TNFRSF10D: variants seen among roughly 807,000 people sequenced by gnomAD.
The protein encoded by TNFRSF10D is TNF receptor superfamily member 10d.
Under a neutral mutation model 42.1 loss-of-function variants are expected in TNFRSF10D, and 28 were observed. That is an observed-to-expected ratio of 0.66 (90% CI 0.49 to 0.91). TNFRSF10D has a LOEUF of 0.91. Among genes scored for constraint, TNFRSF10D ranks in the 40% least tolerant of loss-of-function variants. The pLI, the probability that TNFRSF10D is intolerant of heterozygous loss-of-function variation, is 0.00. For missense variants in TNFRSF10D, 503 were observed against 486.1 expected (o/e 1.03, Z -0.33); for synonymous variants, 186 against 189.4 (o/e 0.98, Z 0.15).
chr8:23,160,075 G>A (rs1800343753), intron 1 of TNFRSF10D, among the ~76,000 whole-genome samples: 1 of 152,148 alleles, frequency 6.6e-6, no homozygotes, highest in South Asian at 2.1e-4. Flanking sequence ...GGAGGGGGAG[G>A]CAATGGTGGT....
rs1800066160 is a variant in TNFRSF10D, at chr8:23,143,707, G to T, written c.954+743C>A. Among the ~76,000 whole-genome samples, 3 of 152,144 alleles carry T rather than the reference G, an allele frequency of 2.0e-5. 1 individual carries two copies. In the South Asian group the frequency reaches 6.2e-4, roughly 32 times the overall value. On this transcript the variant is annotated intron_variant, in intron 7 of 8. Coordinates refer to ENST00000312584, the MANE Select transcript of TNFRSF10D (RefSeq NM_003840.5). ...TTCCTAAACAGGCGTGGAGGAAGGAGACAGTGACTCACAACAATTCAGGGA... is the reference window on the plus strand; with the variant it reads ...TTCCTAAACAGGCGTGGAGGAAGGATACAGTGACTCACAACAATTCAGGGA...
chr8:23,136,110 C>A lies in TNFRSF10D; in HGVS notation c.*1760G>T, dbSNP rs191756465. The A allele has an allele frequency of 2.3e-4, 77 of 331,058 alleles. No homozygotes were observed. In the East Asian group the frequency reaches 5.5e-3, roughly 24 times the overall value. The allele number at this position is 331,058 out of a possible 1,614,324, so 20.5% of individuals were successfully genotyped here. A position where few individuals can be genotyped will look rare whatever the true frequency, so the allele number is the denominator to read the frequency against. ...CAGTCCCGGAACAAAACACACAATGCCTTGAGATGGAAAAGACTGAAACCC... is the reference window on the plus strand; with the variant it reads ...CAGTCCCGGAACAAAACACACAATGACTTGAGATGGAAAAGACTGAAACCC... On this transcript the variant is annotated 3_prime_UTR_variant, in exon 9 of 9. Transcript: ENST00000312584.
At chr8:23,159,710 A>C (rs1392563177) in intron 1 of TNFRSF10D, among the ~76,000 whole-genome samples, 1 of 152,070 alleles carries the variant, frequency 6.6e-6, no homozygotes, top group African/African-American at 2.4e-5. Context: ...AAAAATACAA[A>C]AATTAGCCAG....
Position 23,163,880 on chromosome 8 carries a change from T to C in TNFRSF10D, c.56A>G (p.Tyr19Cys), listed in dbSNP as rs1194081667. 1.3e-6 allele frequency: 2 copies of C among 1,599,752 alleles called. No individual in the cohort carries two copies. Among genetic ancestry groups the C allele is most frequent in the South Asian group, 1.1e-5 (1 of 88,972 alleles). Residue 19 changes from tyrosine (Y) to cysteine (C), a missense_variant, in exon 1 of 9, where the codon TAT becomes TGT. Transcript: ENST00000312584. ...PTASSARAGR[Y>C]PGARTASGTR... ...TCCCGACGCTGTCCTGGCTCCTGGA[T>C]AGCGCCCTGCTCGAGCGCTCGAGGC...
rs141543758 is a variant in TNFRSF10D, at chr8:23,160,386, T to C, written c.150+3400A>G. ...CCCTGTGGACTCTGCTGAGGACCCA[T>C]AGGAGCTCCCAGAGGCCAAGTGCAG... On this transcript the variant is annotated intron_variant, in intron 1 of 8. Transcript: ENST00000312584. Among the ~76,000 whole-genome samples, 141 of 152,172 alleles carry C rather than the reference T, an allele frequency of 9.3e-4. 1 individual carries two copies. Among genetic ancestry groups the C allele is most frequent in the Middle Eastern group, 6.8e-3 (2 of 294 alleles).
At chr8:23,156,729 G>A (rs577370575) in intron 1 of TNFRSF10D, among the ~76,000 whole-genome samples, 5 of 151,384 alleles carry the variant, frequency 3.3e-5, no homozygotes, top group Middle Eastern at 3.4e-3. Context: ...CCCAATGCCT[G>A]GGCTAATATT....
At chr8:23,158,077 C>T (rs116709526) in intron 1 of TNFRSF10D, among the ~76,000 whole-genome samples, 2,291 of 152,326 alleles carry the variant, frequency 0.015, 64 homozygotes, top group African/African-American at 0.053. Context: ...TCCGGCTGTG[C>T]ACTGTTTCTC....
intron 1 of TNFRSF10D, among the ~76,000 whole-genome samples, chr8:23,162,088 AC>A (rs1223274660): frequency 6.6e-6 from 1 of 152,258 alleles, no homozygotes; most frequent in African/African-American, 2.4e-5. Flanking sequence ...AAAATACAAT[AC>A]CCTTGTTTAA....
chr8:23,151,730 A>G (rs1360447038), intron 2 of TNFRSF10D, among the ~76,000 whole-genome samples: 2 of 152,194 alleles, frequency 1.3e-5, no homozygotes, highest in African/African-American at 4.8e-5. Flanking sequence ...ATAAAGTTAG[A>G]CATGAACCTA....
intron 2 of TNFRSF10D, among the ~76,000 whole-genome samples, chr8:23,154,189 G>A (rs1233797875): frequency 6.6e-6 from 1 of 152,196 alleles, no homozygotes; most frequent in Non-Finnish European, 1.5e-5. Context: ...GTAGAGAGTA[G>A]AATGGTGATT....
Position 23,154,392 on chromosome 8 carries a change from A to G in TNFRSF10D, c.256+482T>C, listed in dbSNP as rs148518961. 2.3e-3 allele frequency among the ~76,000 whole-genome samples: 357 copies of G among 152,348 alleles called. 3 individuals are homozygous for G. Among genetic ancestry groups the G allele is most frequent in the African/African-American group, 8.1e-3 (338 of 41,576 alleles). ...TCCATGGAACAAACTCTGCACTTAC[A>G]CAAGTCCCTGATACAAATTGGGATA... On this transcript the variant is annotated intron_variant, in intron 2 of 8. Transcript: ENST00000312584.
Position 23,150,711 on chromosome 8 carries a change from A to G in TNFRSF10D, c.257-2160T>C, listed in dbSNP as rs139593254. On this transcript the variant is annotated intron_variant, in intron 2 of 8. Coordinates refer to ENST00000312584, the MANE Select transcript of TNFRSF10D (RefSeq NM_003840.5). ...TAGTTTAATATACACAGACAACATA[A>G]TAAAGAAGAAAGCAGAAATTCTAAA... Among the ~76,000 whole-genome samples, 36 of 152,352 alleles carry G rather than the reference A, an allele frequency of 2.4e-4. 1 individual carries two copies. The highest frequency in any genetic ancestry group is 1.7e-3 in the East Asian group (9 of 5,192).
chr8:23,144,777 TGCTGAGGTG>T lies in TNFRSF10D; in HGVS notation c.769-151_769-143del, dbSNP rs1309699612. On this transcript the variant is annotated intron_variant, in intron 6 of 8. Transcript: ENST00000312584. Reference sequence around the variant, plus strand: ...GAGGCTCAGCACATCCAGGACCCCATGCTGAGGTGGGTCAGGTGGTCACCCCATCCCCAT... The same window carrying T: ...GAGGCTCAGCACATCCAGGACCCCATGGTCAGGTGGTCACCCCATCCCCAT... The T allele has an allele frequency of 1.6e-5, 17 of 1,092,962 alleles. No individual in the cohort carries two copies. The African/African-American group carries it at 2.6e-4, about 17-fold the overall frequency. The allele number at this position is 1,092,962 out of a possible 1,614,324, so 67.7% of individuals were successfully genotyped here. A position where few individuals can be genotyped will look rare whatever the true frequency, so the allele number is the denominator to read the frequency against.
At chr8:23,163,544 C>A (rs1049775793) in intron 1 of TNFRSF10D, among the ~76,000 whole-genome samples, 6 of 152,228 alleles carry the variant, frequency 3.9e-5, no homozygotes, top group Non-Finnish European at 8.8e-5. Flanking sequence ...CAGCTCAGTG[C>A]GGTCCTCGCC....
intron 3 of TNFRSF10D, 58 bp from the exon 4 acceptor site, chr8:23,147,130 T>C: frequency 7.1e-7 from 1 of 1,417,152 alleles, no homozygotes; most frequent in Non-Finnish European, 1.0e-6. Flanking sequence ...TGTCCACCCT[T>C]CCTCACCACC....
At chr8:23,143,738 T>C (rs1800066478) in intron 7 of TNFRSF10D, among the ~76,000 whole-genome samples, 1 of 152,180 alleles carries the variant, frequency 6.6e-6, no homozygotes, top group Admixed American at 6.5e-5. Flanking sequence ...AGGGAATTCC[T>C]CACTTCACAC....
intron 1 of TNFRSF10D, among the ~76,000 whole-genome samples, chr8:23,160,233 G>A (rs767544537): frequency 1.3e-5 from 2 of 152,102 alleles, no homozygotes; most frequent in Admixed American, 6.5e-5. Context: ...AGACAATAAA[G>A]AGCTCATTGT....
At position 23,145,890 on chromosome 8, in the gene TNFRSF10D, A is replaced by G; in HGVS notation, c.514T>C (p.Cys172Arg). The G allele has an allele frequency of 6.2e-7, 1 of 1,614,166 alleles. No individual in the cohort carries two copies. Among genetic ancestry groups the G allele is most frequent in the Non-Finnish European group, 8.5e-7 (1 of 1,180,032 alleles). Residue 172 changes from cysteine (C) to arginine (R), a missense_variant, in exon 5 of 9, where the codon TGT becomes CGT. Physicochemically the swap from Cys to Arg is radical, Grantham distance 180. Coordinates refer to ENST00000312584, the MANE Select transcript of TNFRSF10D (RefSeq NM_003840.5). Reference protein sequence around the residue: ...CPRGMVKVSNCTPRSDIKCKN... With the variant: ...CPRGMVKVSNRTPRSDIKCKN... ...CACTTGATGTCACTCCGGGGCGTACAATTACTGACCTTGACCATCCCTCTG... is the reference window on the plus strand; with the variant it reads ...CACTTGATGTCACTCCGGGGCGTACGATTACTGACCTTGACCATCCCTCTG...
Position 23,155,190 on chromosome 8 carries a change from A to C in TNFRSF10D, c.151-211T>G, listed in dbSNP as rs113936820. ...AAGAAAAACACCTCCGTATCCTTTT[A>C]TCATATTATAACATAAAATATATTT... On this transcript the variant is annotated intron_variant, in intron 1 of 8. Coordinates refer to ENST00000312584, the MANE Select transcript of TNFRSF10D (RefSeq NM_003840.5). 3.1e-3 allele frequency among the ~76,000 whole-genome samples: 462 copies of C among 150,790 alleles called. 3 individuals carry two copies. The highest frequency in any genetic ancestry group is 0.011 in the African/African-American group (431 of 40,450).
Sources: gnomAD v4.1 joint callset for allele counts (sites outside exome capture counted in the v4.1 genomes callset) on GRCh38, gnomAD v4.1.1 for gene constraint, MANE v1.5 for transcripts, NCBI Gene and HGNC (gene_info 2026-07-23, HGNC 2026-07-21) for gene names.